The following SYN3 variants were observed in gnomAD, a reference collection of about 807,000 sequenced individuals.
SYN3 encodes the protein synapsin III.
In SYN3, 35 loss-of-function variants were observed where a neutral mutation model predicts 65.8. That is an observed-to-expected ratio of 0.53 (90% CI 0.41 to 0.70). The LOEUF is 0.70. Among genes scored for constraint, SYN3 ranks in the 30% least tolerant of loss-of-function variants. SYN3 has a pLI of 0.00. For synonymous variants in SYN3, 270 were observed against 292.9 expected (o/e 0.92, Z 0.80); for missense variants, 680 against 749.0 (o/e 0.91, Z 1.08).
chr22:32,657,761 G>A (rs1428602919), intron 6 of SYN3, among the ~76,000 whole-genome samples: 1 of 152,174 alleles, frequency 6.6e-6, no homozygotes, highest in Non-Finnish European at 1.5e-5. Flanking sequence ...GATCAGGCCA[G>A]CCCCTCCTCA....
At chr22:32,564,061 C>T (rs968554976) in intron 7 of SYN3, among the ~76,000 whole-genome samples, 1 of 152,162 alleles carries the variant, frequency 6.6e-6, no homozygotes, top group Non-Finnish European at 1.5e-5. Context: ...GGGGGCCACG[C>T]AATCCTTAGG....
chr22:32,784,531 C>T (rs545828840), intron 6 of SYN3, among the ~76,000 whole-genome samples: 26 of 152,300 alleles, frequency 1.7e-4, no homozygotes, highest in African/African-American at 6.0e-4. Context: ...GATGAAACTG[C>T]AGCCCTGGCT....
intron 2 of SYN3, among the ~76,000 whole-genome samples, chr22:32,990,419 T>G (rs62234237): frequency 1.8e-4 from 17 of 95,806 alleles, no homozygotes; most frequent in East Asian, 5.9e-4. Context: ...CATCCATCCA[T>G]CCATCCATCC....
At chr22:32,658,013 T>A (rs1227654307) in intron 6 of SYN3, among the ~76,000 whole-genome samples, 4 of 152,178 alleles carry the variant, frequency 2.6e-5, no homozygotes, top group African/African-American at 7.2e-5. Flanking sequence ...CACACAGTGC[T>A]TGATGAGTGG....
At chr22:32,578,043 C>A (rs953876122) in intron 7 of SYN3, among the ~76,000 whole-genome samples, 5 of 152,362 alleles carry the variant, frequency 3.3e-5, no homozygotes, top group African/African-American at 1.2e-4. Context: ...TTTGATATTG[C>A]ATCTCCAGTG....
chr22:32,675,609 G>A (rs1465363914), intron 6 of SYN3, among the ~76,000 whole-genome samples: 1 of 152,090 alleles, frequency 6.6e-6, no homozygotes, highest in Non-Finnish European at 1.5e-5. Context: ...TCACCCAAGG[G>A]TACCCTCTAG....
chr22:32,736,383 T>TTG (rs1029045754), intron 6 of SYN3, among the ~76,000 whole-genome samples: 9 of 152,246 alleles, frequency 5.9e-5, no homozygotes, highest in Non-Finnish European at 8.8e-5. Flanking sequence ...CATGAAGTTT[T>TTG]TGACACTCAT....
chr22:32,970,737 G>T (rs2146936788), intron 3 of SYN3, among the ~76,000 whole-genome samples: 1 of 152,232 alleles, frequency 6.6e-6, no homozygotes, highest in Admixed American at 6.5e-5. Context: ...GGACTGTTTT[G>T]CTGGGAAAAC....
At chr22:32,914,289 GT>G in intron 4 of SYN3, among the ~76,000 whole-genome samples, 1 of 152,316 alleles carries the variant, frequency 6.6e-6, no homozygotes, top group African/African-American at 2.4e-5. Flanking sequence ...TGGTGTAGAA[GT>G]TAAGAGCATG....
At chr22:32,973,124 T>C (rs997062153) in intron 3 of SYN3, among the ~76,000 whole-genome samples, 1 of 152,228 alleles carries the variant, frequency 6.6e-6, no homozygotes, top group Admixed American at 6.5e-5. Context: ...TGCCTCTGGG[T>C]AAAATGATTT....
At chr22:32,587,034 C>T (rs1333172282) in intron 7 of SYN3, among the ~76,000 whole-genome samples, 1 of 151,872 alleles carries the variant, frequency 6.6e-6, no homozygotes, top group Non-Finnish European at 1.5e-5. Flanking sequence ...CCATTCTGGC[C>T]AACATGGTGA....
rs114723366 is a variant in SYN3 at position 32,826,878 on chromosome 22, G to A, written c.711+38037C>T. On this transcript the variant is annotated intron_variant, in intron 6 of 13. Transcript: ENST00000358763. ...CCACTTGATCCCTGTGACAACCCTA[G>A]GAGCCTGCTGCCACTGATCTTCTTA... Among the ~76,000 whole-genome samples, 1,496 of 152,260 alleles carry A rather than the reference G, an allele frequency of 9.8e-3. 30 individuals carry two copies. The highest frequency in any genetic ancestry group is 0.034 in the African/African-American group (1,416 of 41,542).
intron 3 of SYN3, among the ~76,000 whole-genome samples, chr22:32,972,440 A>G (rs1159876845): frequency 6.6e-6 from 1 of 152,028 alleles, no homozygotes; most frequent in Non-Finnish European, 1.5e-5. Flanking sequence ...AAAGGGGTGG[A>G]CTGTGCCAGT....
At chr22:33,049,221 A>G (rs1365544295) in intron 1 of SYN3, among the ~76,000 whole-genome samples, 3 of 152,290 alleles carry the variant, frequency 2.0e-5, no homozygotes, top group African/African-American at 7.2e-5. Flanking sequence ...ATAGATAATC[A>G]AGAAATGTTA....
chr22:32,922,690 C>T (rs1034956486), intron 4 of SYN3, among the ~76,000 whole-genome samples: 3 of 152,080 alleles, frequency 2.0e-5, no homozygotes, highest in Non-Finnish European at 2.9e-5. Context: ...TACATCCCAT[C>T]CGCTCTGTGG....
intron 7 of SYN3, among the ~76,000 whole-genome samples, chr22:32,588,795 T>C: frequency 1.3e-5 from 2 of 152,178 alleles, no homozygotes; most frequent in East Asian, 3.9e-4. Context: ...TGAGCTTAAT[T>C]TCTAATTCTA....
chr22:32,682,380 G>T (rs1181680380), intron 6 of SYN3, among the ~76,000 whole-genome samples: 1 of 152,296 alleles, frequency 6.6e-6, no homozygotes, highest in South Asian at 2.1e-4. Flanking sequence ...CTTACATTTT[G>T]CAAGATGCCT....
intron 8 of SYN3, among the ~76,000 whole-genome samples, chr22:32,540,373 C>T (rs995594706): frequency 6.6e-5 from 10 of 152,196 alleles, no homozygotes; most frequent in Non-Finnish European, 1.3e-4. Context: ...CAGAAGCCTG[C>T]GGATGGAGGG....
chr22:32,921,844 A>T (rs1384538794), intron 4 of SYN3, among the ~76,000 whole-genome samples: 1 of 152,080 alleles, frequency 6.6e-6, no homozygotes. Context: ...TAGGAGGAGG[A>T]GGGGGAGTAT....
Sources: allele counts gnomAD v4.1 joint callset (sites outside exome capture counted in the v4.1 genomes callset), GRCh38; gene constraint gnomAD v4.1.1; transcripts MANE v1.5; gene names NCBI Gene and HGNC (gene_info 2026-07-23, HGNC 2026-07-21).